ITGAE: variants seen among roughly 807,000 people sequenced by gnomAD.
The protein encoded by ITGAE is integrin alpha-E.
Under a neutral mutation model 136.5 loss-of-function variants are expected in ITGAE, and 99 were observed. The observed-to-expected ratio is 0.73, with a 90% CI of 0.62 to 0.86. The LOEUF is 0.86. ITGAE is among the 40% of genes least tolerant of loss of function. ITGAE has a pLI of 0.00. For synonymous variants in ITGAE, 613 were observed against 591.8 expected (o/e 1.04, Z -0.52); for missense variants, 1,447 against 1,515.3 (o/e 0.95, Z 0.75).
intron 17 of ITGAE, among the ~76,000 whole-genome samples, chr17:3,747,009 G>A (rs1430093601): frequency 2.6e-5 from 4 of 152,250 alleles, no homozygotes; most frequent in Non-Finnish European, 5.9e-5. Context: ...GATTGCTCCT[G>A]AGAGATTAAA....
At chr17:3,726,501 A>G in intron 26 of ITGAE, 1 of 605,922 alleles carries the variant, frequency 1.7e-6, no homozygotes, top group Non-Finnish European at 3.0e-6. Context: ...TATTTGTTGA[A>G]ATGTTTAAAT....
At chr17:3,731,055 G>T in intron 23 of ITGAE, 49 bp downstream of exon 23, 1 of 1,466,176 alleles carries the variant, frequency 6.8e-7, no homozygotes, top group Non-Finnish European at 9.5e-7. Context: ...GCAGGGAGAT[G>T]TCTTCCGGGG....
chr17:3,717,937 C>T (rs2050973492), intron 29 of ITGAE: 1 of 152,180 alleles, frequency 6.6e-6, no homozygotes, highest in Non-Finnish European at 1.5e-5. Flanking sequence ...CCCAAGGTGA[C>T]TCGGGAAACA....
chr17:3,781,714 G>A (rs2052671846), intron 1 of ITGAE, among the ~76,000 whole-genome samples: 1 of 152,126 alleles, frequency 6.6e-6, no homozygotes, highest in South Asian at 2.1e-4. Flanking sequence ...TTTACATTTG[G>A]AGTGAAATAG....
intron 16 of ITGAE, among the ~76,000 whole-genome samples, chr17:3,748,749 C>T (rs775181908): frequency 1.5e-4 from 23 of 152,142 alleles, no homozygotes; most frequent in Non-Finnish European, 3.2e-4. Context: ...GAAAGCACAG[C>T]CAGTGCCAAG....
chr17:3,767,156 G>A (rs1379601685), intron 2 of ITGAE, among the ~76,000 whole-genome samples: 3 of 151,772 alleles, frequency 2.0e-5, no homozygotes, highest in Non-Finnish European at 4.4e-5. Context: ...GAGTGCAATG[G>A]CACGATCTCG....
intron 7 of ITGAE, among the ~76,000 whole-genome samples, chr17:3,759,943 T>C (rs1225906547): frequency 6.6e-6 from 1 of 152,174 alleles, no homozygotes; most frequent in Non-Finnish European, 1.5e-5. Context: ...TAAAGACACA[T>C]GGTCCAGACA....
At position 3,743,497 on chromosome 17, in the gene ITGAE, T is replaced by C; in HGVS notation, c.2440A>G (p.Ile814Val). 2 of 1,594,494 alleles carry C rather than the reference T, an allele frequency of 1.3e-6. No homozygotes were observed. The highest frequency in any genetic ancestry group is 8.5e-7 in the Non-Finnish European group (1 of 1,172,696). The change falls in exon 19 of 31, where the codon ATC (isoleucine) becomes GTC (valine). Residue 814 changes from isoleucine (I) to valine (V), a missense_variant. Physicochemically the swap from Ile to Val is conservative, Grantham distance 29. Around this residue, in one of 3 missense-constraint regions of ITGAE, gnomAD observed 1,031 missense variants for 1,011.4 expected, o/e 1.02. Transcript: ENST00000263087. ...GCTGTGGGTAGAGTCACCTGGAAGATGGCAAAGGGCTCAGTGTAGCGGTCC... is the reference window on the plus strand; with the variant it reads ...GCTGTGGGTAGAGTCACCTGGAAGACGGCAAAGGGCTCAGTGTAGCGGTCC... Reference protein sequence around the residue: ...ILDRYTEPFAIFQLPYEKACK... With the variant: ...ILDRYTEPFAVFQLPYEKACK...
chr17:3,777,597 C>A lies in ITGAE; in HGVS notation c.98G>T (p.Gly33Val), dbSNP rs776293142. Residue 33 changes from glycine to valine, a missense_variant, in exon 2 of 31, where the codon GGT (glycine) becomes GTT (valine). Coordinates refer to ENST00000263087, the MANE Select transcript of ITGAE (RefSeq NM_002208.5). ...VARPWLTPKG[G>V]APFVLSSLLH... ...AAGGGAGCTGAGCACGAAAGGGGCA[C>A]CTCCCTTGGGCGTGAGCCAGGGCCG... 47 of 1,613,718 alleles carry A rather than the reference C, an allele frequency of 2.9e-5. No homozygotes were observed. Among genetic ancestry groups the A allele is most frequent in the Non-Finnish European group, 3.8e-5 (45 of 1,179,874 alleles).
chr17:3,795,583 A>G (rs1021441472), intron 1 of ITGAE, among the ~76,000 whole-genome samples: 1 of 152,236 alleles, frequency 6.6e-6, no homozygotes, highest in Non-Finnish European at 1.5e-5. Flanking sequence ...CAAAGCCTTT[A>G]GTAATAGCTG....
At chr17:3,793,592 T>C (rs192940025) in intron 1 of ITGAE, among the ~76,000 whole-genome samples, 54 of 152,336 alleles carry the variant, frequency 3.5e-4, no homozygotes, top group African/African-American at 1.2e-3. Context: ...TCTGGAACCT[T>C]TGAGAGTCTA....
intron 2 of ITGAE, among the ~76,000 whole-genome samples, chr17:3,771,680 G>A (rs2052427258): frequency 6.6e-6 from 1 of 151,734 alleles, no homozygotes; most frequent in South Asian, 2.1e-4. Flanking sequence ...GGGATTACAA[G>A]CGCCCACCAC....
Position 3,745,946 on chromosome 17 carries a change from C to A in ITGAE, c.2156-19G>T, listed in dbSNP as rs2051703134. ...CGGAGGCCTGGGAATGAAGACCAGA[C>A]CTTCCCGATGAGGTGGGGATGAGCC... On this transcript the variant is annotated intron_variant, in intron 17 of 30. Transcript: ENST00000263087. 6.2e-7 allele frequency: 1 copy of A among 1,608,686 alleles called. No homozygotes were observed.
chr17:3,743,649 G>C (rs371287690), intron 18 of ITGAE, 32 bp from the exon 19 acceptor site: 14 of 1,588,408 alleles, frequency 8.8e-6, no homozygotes, highest in African/African-American at 1.4e-5. Context: ...CAGGGTTAGA[G>C]TTGGATGTGG....
At chr17:3,755,807 C>A in intron 11 of ITGAE, 23 bp downstream of exon 11, 1 of 1,573,914 alleles carries the variant, frequency 6.4e-7, no homozygotes, top group Admixed American at 1.9e-5. Flanking sequence ...GCAAGCCTGC[C>A]TGGTGCTGAG....
chr17:3,760,273 T>C lies in ITGAE; in HGVS notation c.613A>G (p.Ile205Val). The change falls in exon 7 of 31, where the codon ATC becomes GTC. Residue 205 changes from isoleucine to valine, a missense_variant. Ile to Val is a conservative substitution (Grantham distance 29, BLOSUM62 3). Coordinates refer to ENST00000263087, the MANE Select transcript of ITGAE (RefSeq NM_002208.5). The part of the protein sequence containing the change: ...EEEEAGTEIA[I>V]ILDGSGSIDP... Reference sequence around the variant, plus strand: ...ATGCTTCCTGAGCCATCCAGGATGATGGCAATCTCGGTGCCTGGCCAAGAC... The same window carrying C: ...ATGCTTCCTGAGCCATCCAGGATGACGGCAATCTCGGTGCCTGGCCAAGAC... 6.2e-7 allele frequency: 1 copy of C among 1,612,844 alleles called. No homozygotes were observed. The highest frequency in any genetic ancestry group is 8.5e-7 in the Non-Finnish European group (1 of 1,179,126).
At position 3,799,042 on chromosome 17, in the gene ITGAE, T is replaced by C. The variant is rs555003228; in HGVS notation, c.34+2069A>G. On this transcript the variant is annotated intron_variant, in intron 1 of 30. Transcript: ENST00000263087. This position sits in a 1 kb window ranked among gnomAD's most constrained non-coding sequence, Gnocchi z 4.1. ...AGGGCCAGGCCAGGCCAGTCCTGGA[T>C]TCTCTCCAGCCTAAGGAGGCCCAAC... Among the ~76,000 whole-genome samples, 2 of 152,274 alleles carry C rather than the reference T, an allele frequency of 1.3e-5. No individual in the cohort carries two copies. Among genetic ancestry groups the C allele is most frequent in the South Asian group, 4.1e-4 (2 of 4,824 alleles).
chr17:3,784,114 G>C (rs962103776), intron 1 of ITGAE, among the ~76,000 whole-genome samples: 7 of 152,108 alleles, frequency 4.6e-5, no homozygotes, highest in African/African-American at 1.7e-4. Flanking sequence ...CAAAAAATTA[G>C]CCGGGCGTGG....
At chr17:3,769,647 A>G (rs11649949) in intron 2 of ITGAE, among the ~76,000 whole-genome samples, 17,149 of 152,200 alleles carry the variant, frequency 0.11, 1,105 homozygotes, top group East Asian at 0.18. Context: ...ACCCTTGTCC[A>G]TCTCCTGCCT....
Sources: allele counts gnomAD v4.1 joint callset (sites outside exome capture counted in the v4.1 genomes callset), GRCh38; gene constraint gnomAD v4.1.1; regional missense constraint gnomAD v4.1.1; non-coding constraint Gnocchi (gnomAD v3.1); transcripts MANE v1.5; gene names NCBI Gene and HGNC (gene_info 2026-07-23, HGNC 2026-07-21).